Variants in ADGRL3 observed in about 807,000 individuals in gnomAD.
ADGRL3 encodes adhesion G protein-coupled receptor L3, also known as calcium-independent alpha-latrotoxin receptor 3.
ADGRL3 carries 62 observed loss-of-function variants against 153.5 expected under a neutral mutation model. That is an observed-to-expected ratio of 0.40 (90% confidence interval 0.33 to 0.50). The LOEUF (loss-of-function observed/expected upper bound fraction) is 0.50, where lower values mean the gene tolerates loss of function less well. Ranked by LOEUF, ADGRL3 falls within the 20% of genes least tolerant of loss-of-function variation. ADGRL3 has a pLI of 0.47. For synonymous variants in ADGRL3, 710 were observed against 672.5 expected, an observed-to-expected ratio of 1.06 and a Z score of -0.86; for missense variants, 1,641 against 1,859.4, an observed-to-expected ratio of 0.88 and a Z score of 2.16.
intron 11 of ADGRL3, among the ~76,000 whole-genome samples, chr4:61,903,667 A>T (rs1000311694): frequency 7.7e-4 from 104 of 134,998 alleles, no homozygotes; most frequent in African/African-American, 2.3e-3. Context: ...AAAAAAAAAA[A>T]AAAAAAAAAA....
intron 2 of ADGRL3, among the ~76,000 whole-genome samples, chr4:61,451,273 C>T (rs1299440738): frequency 6.6e-6 from 1 of 152,010 alleles, no homozygotes; most frequent in Non-Finnish European, 1.5e-5. Flanking sequence ...TCCATTAACC[C>T]TCATTTATAC....
rs552347992 is a variant in ADGRL3, at chr4:62,075,520, A to G, written c.*4612A>G. On this transcript the variant is annotated 3_prime_UTR_variant, in exon 27 of 27. Coordinates refer to ENST00000683033, the MANE Select transcript of ADGRL3 (RefSeq NM_001387552.1). ...TCTTCTCTAAGAAAATTTTTGAGAT[A>G]ACAATATATATGAAGTTCCCAGTAC... The G allele has an allele frequency of 2.6e-5, 4 of 152,324 alleles. No homozygotes were observed. The East Asian group carries it at 7.7e-4, about 29-fold the overall frequency. 9.4% of individuals were successfully genotyped at this position (152,324 alleles called of 1,614,324 possible).
At chr4:61,742,638 G>A (rs539994755) in intron 8 of ADGRL3, among the ~76,000 whole-genome samples, 16 of 152,164 alleles carry the variant, frequency 1.1e-4, no homozygotes, top group African/African-American at 3.9e-4. Flanking sequence ...ACAGGCAATA[G>A]TATGAGTTTT....
chr4:61,785,732 G>T (rs1191523044), intron 8 of ADGRL3, among the ~76,000 whole-genome samples: 1 of 152,110 alleles, frequency 6.6e-6, no homozygotes, highest in African/African-American at 2.4e-5. Context: ...ATGTATTCTG[G>T]CAACTAGGCA....
At chr4:62,017,364 C>G (rs2099217077) in intron 21 of ADGRL3, among the ~76,000 whole-genome samples, 1 of 150,804 alleles carries the variant, frequency 6.6e-6, no homozygotes, top group Non-Finnish European at 1.5e-5. Flanking sequence ...CTACTATATA[C>G]TAGTTTTCTA....
chr4:61,394,483 C>T (rs763256985), intron 2 of ADGRL3, among the ~76,000 whole-genome samples: 13 of 151,956 alleles, frequency 8.6e-5, no homozygotes, highest in Middle Eastern at 3.2e-3. Flanking sequence ...TGAACTTTTA[C>T]ACAAACCATT....
Position 62,070,778 on chromosome 4 carries a change from T to C in ADGRL3, c.4502T>C (p.Val1501Ala). 1.3e-6 allele frequency: 2 copies of C among 1,551,624 alleles called. 1 individual carries two copies. Among genetic ancestry groups the C allele is most frequent in the South Asian group, 2.4e-5 (2 of 84,050 alleles). ...CCAAACCTAGGCTCCAGAAACCACG[T>C]CCATCAGCTGCATACTTACTACCAG... ...SMPNLGSRNH[V>A]HQLHTYYQLG... Residue 1501 changes from valine to alanine, a missense_variant, in exon 27 of 27, where the codon GTC becomes GCC. Val to Ala is a moderately conservative substitution (Grantham distance 64). Around this residue, in one of 5 missense-constraint regions of ADGRL3, gnomAD observed 517 missense variants for 555.0 expected, o/e 0.93. Coordinates refer to ENST00000683033, the MANE Select transcript of ADGRL3 (RefSeq NM_001387552.1).
At chr4:61,466,784 A>T (rs778032996) in intron 2 of ADGRL3, among the ~76,000 whole-genome samples, 7 of 152,164 alleles carry the variant, frequency 4.6e-5, no homozygotes, top group African/African-American at 7.2e-5. Flanking sequence ...ATAAAATGGG[A>T]TTAAAAATCA....
chr4:61,228,799 T>A (rs535642515), intron 1 of ADGRL3, among the ~76,000 whole-genome samples: 2 of 152,236 alleles, frequency 1.3e-5, no homozygotes, highest in African/African-American at 4.8e-5. Context: ...TTCAAGTGAT[T>A]CTCCTGCCTC....
rs970656920 is a variant in ADGRL3, at chr4:61,733,980, A to G, written c.1399+426A>G. On this transcript the variant is annotated intron_variant, in intron 8 of 26. Coordinates refer to ENST00000683033, the MANE Select transcript of ADGRL3 (RefSeq NM_001387552.1). ...TATTATGTTTCAGGAGCCCGCACCA[A>G]TGTAGTCATCTCACAGAGTGCATCA... 2.0e-5 allele frequency among the ~76,000 whole-genome samples: 3 copies of G among 152,180 alleles called. No individual in the cohort carries two copies. The South Asian group carries it at 6.2e-4, about 31-fold the overall frequency.
chr4:61,376,037 C>T (rs553944035), intron 1 of ADGRL3, among the ~76,000 whole-genome samples: 2 of 152,232 alleles, frequency 1.3e-5, no homozygotes, highest in South Asian at 4.1e-4. Flanking sequence ...TAATCCCCTT[C>T]TTCCTAAAGC....
At chr4:61,375,286 A>G (rs2096590256) in intron 1 of ADGRL3, among the ~76,000 whole-genome samples, 1 of 152,162 alleles carries the variant, frequency 6.6e-6, no homozygotes, top group Non-Finnish European at 1.5e-5. Context: ...ATTTACCATG[A>G]AGAGAAAGTA....
intron 1 of ADGRL3, among the ~76,000 whole-genome samples, chr4:61,283,146 C>G (rs147375080): frequency 2.8e-4 from 43 of 152,178 alleles, no homozygotes; most frequent in Middle Eastern, 6.8e-3. Flanking sequence ...TGGCAGATCA[C>G]ACTTTAGAAG....
chr4:61,967,626 A>G (rs1374573418), intron 17 of ADGRL3, among the ~76,000 whole-genome samples: 3 of 152,186 alleles, frequency 2.0e-5, no homozygotes, highest in African/African-American at 7.2e-5. Flanking sequence ...GTACATGCTT[A>G]TTTTGGTAGA....
chr4:61,495,623 G>C (rs2098306889), intron 2 of ADGRL3, among the ~76,000 whole-genome samples: 1 of 152,088 alleles, frequency 6.6e-6, no homozygotes, highest in Non-Finnish European at 1.5e-5. Flanking sequence ...TCAGGATTTG[G>C]ATTATGTTTC....
chr4:61,678,841 A>G (rs1028096316), intron 6 of ADGRL3, among the ~76,000 whole-genome samples: 4 of 152,100 alleles, frequency 2.6e-5, no homozygotes, highest in African/African-American at 9.6e-5. Flanking sequence ...AGTTAAAAGT[A>G]TAATGCAGAA....
chr4:61,814,578 T>G (rs1352343030), intron 9 of ADGRL3, among the ~76,000 whole-genome samples: 1 of 152,208 alleles, frequency 6.6e-6, no homozygotes, highest in Non-Finnish European at 1.5e-5. Flanking sequence ...ATACCAAATA[T>G]TCCAAGGTTA....
At chr4:61,664,297 G>A (rs1022675810) in intron 5 of ADGRL3, among the ~76,000 whole-genome samples, 1 of 152,114 alleles carries the variant, frequency 6.6e-6, no homozygotes, top group African/African-American at 2.4e-5. Context: ...TCAGAATATG[G>A]AGCTGTTAAT....
chr4:61,457,815 C>T lies in ADGRL3; in HGVS notation c.-173-39306C>T, dbSNP rs556320957. Among the ~76,000 whole-genome samples, 4 of 151,356 alleles carry T rather than the reference C, an allele frequency of 2.6e-5. No individual in the cohort carries two copies. The East Asian group carries it at 5.8e-4, about 22-fold the overall frequency. ...TTGAATTTTTTTGATCAGTTATTCCCGAAGGCCTTGTGTTTTTGTATAAAA... is the reference window on the plus strand; with the variant it reads ...TTGAATTTTTTTGATCAGTTATTCCTGAAGGCCTTGTGTTTTTGTATAAAA... On this transcript the variant is annotated intron_variant, in intron 2 of 26. Transcript: ENST00000683033.
Sources: gnomAD v4.1 joint callset for allele counts (sites outside exome capture counted in the v4.1 genomes callset) on GRCh38, gnomAD v4.1.1 for gene constraint, gnomAD v4.1.1 regional missense constraint, MANE v1.5 for transcripts, NCBI Gene and HGNC (gene_info 2026-07-23, HGNC 2026-07-21) for gene names.